The following RTL5 variants were observed in gnomAD, a reference collection of about 807,000 sequenced individuals.
The protein encoded by RTL5 is retrotransposon Gag-like protein 5.
Under a neutral mutation model 7.7 loss-of-function variants are expected in RTL5, and 8 were observed. The observed-to-expected ratio is 1.04, with a 90% CI of 0.61 to 1.88. The LOEUF (loss-of-function observed/expected upper bound fraction) is 1.88, where lower values mean the gene tolerates loss of function less well. RTL5 is among the 40% of genes most tolerant of loss of function. The pLI, the probability that RTL5 is intolerant of heterozygous loss-of-function variation, is 0.00. For synonymous variants in RTL5, 188 were observed against 191.8 expected (o/e 0.98, Z 0.16); for missense variants, 457 against 472.7 (o/e 0.97, Z 0.31).
chrX:72,128,061 GGA>G (rs2042245162), exon 1 of RTL5: 2 of 111,962 alleles, frequency 1.8e-5, no homozygotes, highest in Admixed American at 9.4e-5. Flanking sequence ...TTTTCTCTTT[GGA>G]GAGAGGGGAT....
exon 1 of RTL5, chrX:72,130,152 G>A (rs1395086109): frequency 8.3e-7 from 1 of 1,210,768 alleles, no homozygotes; most frequent in South Asian, 1.8e-5. Context: ...GCTCATCTAG[G>A]TCATCATCTT....
chrX:72,131,151 C>A (rs770514001), exon 1 of RTL5: 1 of 1,178,338 alleles, frequency 8.5e-7, no homozygotes, highest in Non-Finnish European at 1.1e-6. Flanking sequence ...GCGGAGGCAG[C>A]GCCGGCGGGG....
chrX:72,130,937 A>G, exon 1 of RTL5: 1 of 1,211,959 alleles, frequency 8.3e-7, no homozygotes, highest in South Asian at 1.8e-5. Flanking sequence ...GAGATGGCCC[A>G]GTCCTTGGCT....
chrX:72,130,919 G>C (rs1373906948), exon 1 of RTL5: 1 of 1,210,221 alleles, frequency 8.3e-7, no homozygotes, highest in Non-Finnish European at 1.1e-6. Flanking sequence ...CTTCCTTCCT[G>C]GGTGACCGAG....
At chrX:72,131,214 C>T in exon 1 of RTL5, 1 of 1,202,791 alleles carries the variant, frequency 8.3e-7, no homozygotes, top group East Asian at 3.0e-5. Context: ...TGCTGCGATC[C>T]TGGATCACGT....
chrX:72,130,409 CCTCCTT>C (rs1185361368), exon 1 of RTL5: 2 of 1,191,357 alleles, frequency 1.7e-6, no homozygotes, highest in Admixed American at 2.3e-5. Context: ...ATCTCCTCCT[CCTCCTT>C]CTCCTTCATC....
exon 1 of RTL5, chrX:72,130,986 G>A: frequency 8.3e-7 from 1 of 1,211,293 alleles, no homozygotes; most frequent in Non-Finnish European, 1.1e-6. Context: ...CCACCCGCTC[G>A]GCGCCCCCGG....
chrX:72,130,714 A>G, exon 1 of RTL5: 5 of 1,211,353 alleles, frequency 4.1e-6, no homozygotes, highest in Non-Finnish European at 5.6e-6. Context: ...GCCTTTGAGG[A>G]ATTGGTTTTG....
chrX:72,128,838 C>CT (rs2042252961), exon 1 of RTL5: 2 of 113,326 alleles, frequency 1.8e-5, no homozygotes, highest in Admixed American at 1.8e-4. Flanking sequence ...TGACTGGGGG[C>CT]TGCAGTCCAA....
chrX:72,130,604 C>T (rs1602393029), exon 1 of RTL5: 4 of 1,211,567 alleles, frequency 3.3e-6, no homozygotes, highest in Non-Finnish European at 4.5e-6. Context: ...GGCTTGGGAA[C>T]GCGCACTTTT....
exon 1 of RTL5, chrX:72,129,668 C>G: frequency 3.8e-6 from 2 of 520,297 alleles, no homozygotes; most frequent in Middle Eastern, 1.2e-3. Flanking sequence ...GCTCTCTGGT[C>G]ACGGTTGCAA....
At position 72,130,757 on chromosome X, in the gene RTL5, C is replaced by T. The variant is rs753677725; in HGVS notation, c.784G>A (p.Ala262Thr). 8.3e-6 allele frequency: 10 copies of T among 1,209,999 alleles called. No homozygotes were observed. In the East Asian group the frequency reaches 3.0e-4, roughly 36 times the overall value. The change falls in exon 1 of 1, where the codon GCC (alanine) becomes ACC (threonine). Residue 262 changes from alanine to threonine, a missense_variant. Ala to Thr is a moderately conservative substitution (Grantham distance 58). Coordinates refer to ENST00000609883, the Ensembl canonical transcript of RTL5. ...CAGTCATCCCAAGACAAGAATTGGG[C>T]CAGGAACTGAAAAGCATCTGCATAG...
exon 1 of RTL5, chrX:72,131,659 G>A: frequency 1.4e-6 from 1 of 734,947 alleles, no homozygotes; most frequent in Non-Finnish European, 1.9e-6. Flanking sequence ...GTGCGGCAGC[G>A]GGGCACGGGC....
exon 1 of RTL5, chrX:72,130,890 G>A (rs1268314371): frequency 8.3e-7 from 1 of 1,210,173 alleles, no homozygotes; most frequent in Non-Finnish European, 1.1e-6. Context: ...GGAAGCGCGG[G>A]AAGTTGGCAT....
At chrX:72,130,101 C>T in exon 1 of RTL5, 1 of 1,211,033 alleles carries the variant, frequency 8.3e-7, no homozygotes. Context: ...GGCCAGAAGT[C>T]TGGGATGACG....
At chrX:72,127,555 C>A (rs1215461813), downstream of RTL5, 2 of 110,987 alleles carry the variant, frequency 1.8e-5, no homozygotes, top group African/African-American at 3.3e-5. Context: ...TTTAAGGCAC[C>A]CGTCCTTCAC....
chrX:72,130,476 G>A (rs1192760016), exon 1 of RTL5: 1 of 1,208,117 alleles, frequency 8.3e-7, no homozygotes, highest in Non-Finnish European at 1.1e-6. Context: ...AGTGAAGCCT[G>A]TGCCTGCGTG....
At chrX:72,131,346 C>A in exon 1 of RTL5, 1 of 1,205,846 alleles carries the variant, frequency 8.3e-7, no homozygotes, top group Non-Finnish European at 1.1e-6. Context: ...AGTTCTCCTC[C>A]GCAAGGACGG....
At chrX:72,131,267 G>C (rs2042295264) in exon 1 of RTL5, 1 of 1,200,505 alleles carries the variant, frequency 8.3e-7, no homozygotes, top group African/African-American at 1.8e-5. Flanking sequence ...TCCGCGCGTG[G>C]GGGAGGCCGG....
Sources: allele counts gnomAD v4.1 joint callset, GRCh38; gene constraint gnomAD v4.1.1; transcripts MANE v1.5; gene names NCBI Gene and HGNC (gene_info 2026-07-23, HGNC 2026-07-21).